The following PDZD9 variants were observed in gnomAD, a reference collection of about 807,000 sequenced individuals.
PDZD9 encodes the protein PDZ domain-containing protein 9.
In PDZD9, 13 loss-of-function variants were observed where a neutral mutation model predicts 16.3. That is an observed-to-expected ratio of 0.80 (90% CI 0.52 to 1.27). The LOEUF (loss-of-function observed/expected upper bound fraction) is 1.27, where lower values mean the gene tolerates loss of function less well. PDZD9 is among the 50% of genes most tolerant of loss of function. PDZD9 has a pLI of 0.00. For synonymous variants in PDZD9, 120 were observed against 111.0 expected (o/e 1.08, Z -0.51); for missense variants, 288 against 310.9 (o/e 0.93, Z 0.55).
chr16:21,960,197 T>TA, the PDZD9 span, among the ~76,000 whole-genome samples: 1 of 152,234 alleles, frequency 6.6e-6, no homozygotes, highest in South Asian at 2.1e-4. Flanking sequence ...ATCTGTGGTT[T>TA]AGTGTAGCCA....
the PDZD9 span, among the ~76,000 whole-genome samples, chr16:21,970,939 T>A: frequency 6.6e-6 from 1 of 152,076 alleles, no homozygotes. Context: ...TTTTTTTTTT[T>A]AATTGTTGAG....
chr16:21,957,591 G>C, the PDZD9 span: 1 of 1,609,842 alleles, frequency 6.2e-7, no homozygotes, highest in Non-Finnish European at 8.5e-7. Flanking sequence ...TTCCTCAAGT[G>C]TTTGGAAATG....
the PDZD9 span, chr16:21,973,796 T>C: frequency 7.0e-6 from 7 of 994,886 alleles, no homozygotes; most frequent in African/African-American, 1.6e-5. Context: ...CTATTTTGTT[T>C]ATACCGTGAA....
At chr16:21,972,973 G>A in the PDZD9 span, among the ~76,000 whole-genome samples, 18 of 152,176 alleles carry the variant, frequency 1.2e-4, no homozygotes, top group African/African-American at 3.4e-4. Context: ...GGTGGCGCAC[G>A]CCTGTAGTCC....
chr16:21,962,535 T>G, the PDZD9 span: 2 of 1,614,102 alleles, frequency 1.2e-6, no homozygotes, highest in Non-Finnish European at 1.7e-6. Context: ...CTGTGTGTGT[T>G]TAGGACTTCT....
the PDZD9 span, chr16:21,968,635 A>C: frequency 6.2e-7 from 1 of 1,607,888 alleles, no homozygotes; most frequent in South Asian, 1.1e-5. Context: ...CAGTTACATT[A>C]CTTCGTTCAG....
chr16:21,963,110 T>C, the PDZD9 span: 1 of 371,540 alleles, frequency 2.7e-6, no homozygotes, highest in South Asian at 3.4e-5. Flanking sequence ...TGCCTCAGCC[T>C]CCTGAGCAGC....
chr16:21,969,833 C>T, the PDZD9 span, among the ~76,000 whole-genome samples: 1 of 151,840 alleles, frequency 6.6e-6, no homozygotes, highest in Non-Finnish European at 1.5e-5. Context: ...CCATTCTCAT[C>T]TTCCCCCTGC....
At chr16:21,959,070 A>AG in the PDZD9 span, among the ~76,000 whole-genome samples, 1 of 152,196 alleles carries the variant, frequency 6.6e-6, no homozygotes, top group Non-Finnish European at 1.5e-5. Flanking sequence ...TTGCTGGTGG[A>AG]GGGTCTTGCC....
At chr16:21,964,814 C>G in the PDZD9 span, among the ~76,000 whole-genome samples, 1 of 152,216 alleles carries the variant, frequency 6.6e-6, no homozygotes, top group Non-Finnish European at 1.5e-5. Context: ...TTCCACATCT[C>G]TGTATTTCTA....
chr16:21,972,131 G>T, the PDZD9 span: 5 of 1,609,986 alleles, frequency 3.1e-6, no homozygotes, highest in Non-Finnish European at 4.2e-6. Context: ...ATGTGAGTCT[G>T]AACAGTTGGT....
chr16:21,996,060 G>A (rs1049803572), intron 2 of PDZD9, among the ~76,000 whole-genome samples: 1 of 151,952 alleles, frequency 6.6e-6, no homozygotes, highest in Non-Finnish European at 1.5e-5. Flanking sequence ...AAAGTGCTGG[G>A]ATTACAGGCA....
the PDZD9 span, among the ~76,000 whole-genome samples, chr16:21,971,111 C>G: frequency 1.3e-5 from 2 of 152,056 alleles, no homozygotes; most frequent in East Asian, 1.9e-4. Flanking sequence ...TAGAAACATG[C>G]TAGCGTCCAT....
intron 2 of PDZD9, among the ~76,000 whole-genome samples, chr16:21,990,534 G>T (rs567754961): frequency 1.3e-3 from 195 of 152,256 alleles, no homozygotes; most frequent in African/African-American, 4.5e-3. Flanking sequence ...CAGTAGCTGG[G>T]GGTAATACAA....
downstream of PDZD9, among the ~76,000 whole-genome samples, chr16:21,980,863 C>G (rs1372017332): frequency 6.6e-6 from 1 of 152,140 alleles, no homozygotes; most frequent in Non-Finnish European, 1.5e-5. Flanking sequence ...AGATCCGCAA[C>G]AAGCTTCCCT....
At chr16:21,970,443 A>G in the PDZD9 span, among the ~76,000 whole-genome samples, 2 of 152,156 alleles carry the variant, frequency 1.3e-5, no homozygotes, top group African/African-American at 4.8e-5. Flanking sequence ...CCACATCCTC[A>G]CCAACACTTA....
At chr16:21,962,222 G>T in the PDZD9 span, 4 of 527,788 alleles carry the variant, frequency 7.6e-6, no homozygotes, top group Admixed American at 3.1e-5. Flanking sequence ...TGTCCTCAGG[G>T]TTCATCTGTG....
chr16:21,975,283 G>A, the PDZD9 span, among the ~76,000 whole-genome samples: 1 of 152,112 alleles, frequency 6.6e-6, no homozygotes, highest in Admixed American at 6.5e-5. Context: ...TTGAAAGACT[G>A]GACAAGTCAA....
At chr16:21,961,626 T>A in the PDZD9 span, among the ~76,000 whole-genome samples, 3 of 64,472 alleles carry the variant, frequency 4.7e-5, no homozygotes, top group Non-Finnish European at 8.5e-5. Context: ...AACATAAAAT[T>A]TATATATATA....
Sources: gnomAD v4.1 joint callset for allele counts (sites outside exome capture counted in the v4.1 genomes callset) on GRCh38, gnomAD v4.1.1 for gene constraint, MANE v1.5 for transcripts, NCBI Gene and HGNC (gene_info 2026-07-23, HGNC 2026-07-21) for gene names.